SLC35F1: variants seen among roughly 807,000 people sequenced by gnomAD.
The protein encoded by SLC35F1 is solute carrier family 35 member F1, also known as chromosome 6 open reading frame 169.
SLC35F1 carries 14 observed loss-of-function variants against 48.7 expected under a neutral mutation model. The ratio of observed to expected loss-of-function variants is 0.29; its 90% CI spans 0.19 to 0.45. The LOEUF (loss-of-function observed/expected upper bound fraction) is 0.45, where lower values mean the gene tolerates loss of function less well. Among genes scored for constraint, SLC35F1 ranks in the 20% least tolerant of loss-of-function variants. The probability of loss-of-function intolerance (pLI) is 1.00; values close to 1 mark genes in which losing one functional copy is unlikely to be tolerated. For synonymous variants in SLC35F1, 190 were observed against 202.2 expected (o/e 0.94, Z 0.51); for missense variants, 404 against 500.0 (o/e 0.81, Z 1.83).
At chr6:117,909,441 G>A (rs1235877016) in intron 1 of SLC35F1, among the ~76,000 whole-genome samples, 2 of 151,990 alleles carry the variant, frequency 1.3e-5, no homozygotes, top group Non-Finnish European at 1.5e-5. Flanking sequence ...AGTTATTACT[G>A]ATTCCATGTA....
At chr6:118,232,725 G>T (rs1447846696) in intron 2 of SLC35F1, among the ~76,000 whole-genome samples, 1 of 151,964 alleles carries the variant, frequency 6.6e-6, no homozygotes, top group African/African-American at 2.4e-5. Context: ...GAAAGGCCCA[G>T]AGACAAGAGA....
chr6:118,241,780 A>G (rs886104387), intron 3 of SLC35F1, among the ~76,000 whole-genome samples: 1 of 152,172 alleles, frequency 6.6e-6, no homozygotes, highest in African/African-American at 2.4e-5. Flanking sequence ...CATCTATACA[A>G]TTCTTTCAGC....
At chr6:118,164,021 T>C (rs1774279749) in intron 2 of SLC35F1, among the ~76,000 whole-genome samples, 2 of 152,238 alleles carry the variant, frequency 1.3e-5, no homozygotes, top group South Asian at 4.1e-4. Context: ...GCATAATAAT[T>C]ATCTCTGGAT....
intron 1 of SLC35F1, among the ~76,000 whole-genome samples, chr6:117,930,323 C>T (rs980016665): frequency 2.0e-5 from 3 of 152,070 alleles, no homozygotes; most frequent in African/African-American, 4.8e-5. Context: ...AGACAGGCTC[C>T]CTTTTATTTA....
chr6:117,987,726 G>C (rs1230232981), intron 1 of SLC35F1, among the ~76,000 whole-genome samples: 1 of 152,192 alleles, frequency 6.6e-6, no homozygotes, highest in Non-Finnish European at 1.5e-5. Context: ...TTGCTCTGCA[G>C]ATATAAGCTG....
intron 3 of SLC35F1, among the ~76,000 whole-genome samples, chr6:118,248,703 A>T (rs1441580327): frequency 6.6e-6 from 1 of 152,238 alleles, no homozygotes; most frequent in Non-Finnish European, 1.5e-5. Flanking sequence ...TGACCTCCAG[A>T]ACTATAAGAT....
chr6:117,927,740 G>A (rs1776047764), intron 1 of SLC35F1, among the ~76,000 whole-genome samples: 1 of 152,156 alleles, frequency 6.6e-6, no homozygotes, highest in Non-Finnish European at 1.5e-5. Context: ...AAAGGTGATG[G>A]GATGGATGTG....
intron 1 of SLC35F1, among the ~76,000 whole-genome samples, chr6:117,971,814 G>A (rs1776643791): frequency 1.3e-5 from 2 of 152,230 alleles, no homozygotes; most frequent in Admixed American, 1.3e-4. Context: ...GGGCTACATA[G>A]AGGACAGGGG....
intron 1 of SLC35F1, among the ~76,000 whole-genome samples, chr6:117,972,306 A>G (rs997641691): frequency 2.0e-5 from 3 of 152,222 alleles, no homozygotes; most frequent in Non-Finnish European, 4.4e-5. Context: ...AAGCCATTCA[A>G]CAAGTCTCTA....
chr6:117,993,272 A>T (rs947759359), intron 1 of SLC35F1, among the ~76,000 whole-genome samples: 3 of 152,086 alleles, frequency 2.0e-5, no homozygotes, highest in African/African-American at 7.2e-5. Flanking sequence ...CACTGCTTGG[A>T]CATGTGGCTT....
chr6:117,969,629 C>T (rs1327958868), intron 1 of SLC35F1, among the ~76,000 whole-genome samples: 5 of 152,094 alleles, frequency 3.3e-5, no homozygotes, highest in Non-Finnish European at 7.4e-5. Context: ...GTGAAAGTAT[C>T]ACTTGAGCCC....
chr6:118,156,709 A>T (rs1359433855), intron 2 of SLC35F1, among the ~76,000 whole-genome samples: 1 of 82,174 alleles, frequency 1.2e-5, no homozygotes, highest in Non-Finnish European at 3.1e-5. Context: ...TAAGAAATAC[A>T]TTGGTTTGGT....
intron 1 of SLC35F1, among the ~76,000 whole-genome samples, chr6:118,066,310 TAA>T (rs1343453631): frequency 2.0e-5 from 3 of 152,172 alleles, no homozygotes; most frequent in Non-Finnish European, 4.4e-5. Context: ...ATGTCTAAGA[TAA>T]AAGACAAAAT....
At chr6:118,179,102 G>C (rs1038071979) in intron 2 of SLC35F1, among the ~76,000 whole-genome samples, 3 of 152,032 alleles carry the variant, frequency 2.0e-5, no homozygotes, top group African/African-American at 7.2e-5. Flanking sequence ...CTTATCTCAG[G>C]AGTTTTTGGA....
chr6:118,152,355 G>A (rs973404306), intron 1 of SLC35F1, among the ~76,000 whole-genome samples: 19 of 152,272 alleles, frequency 1.2e-4, no homozygotes, highest in Non-Finnish European at 2.1e-4. Flanking sequence ...GAGGGAGAGC[G>A]TTTAGGACAT....
chr6:118,009,085 A>G (rs1288884608), intron 1 of SLC35F1, among the ~76,000 whole-genome samples: 2 of 152,162 alleles, frequency 1.3e-5, no homozygotes, highest in Admixed American at 1.3e-4. Flanking sequence ...TTAACGAGCA[A>G]CAAATCAAGA....
At chr6:118,162,682 G>A (rs1314914896) in intron 2 of SLC35F1, among the ~76,000 whole-genome samples, 1 of 152,188 alleles carries the variant, frequency 6.6e-6, no homozygotes, top group African/African-American at 2.4e-5. Flanking sequence ...GGACATGCTG[G>A]TAAAACTTCC....
intron 3 of SLC35F1, 114 bp from the exon 4 acceptor site, chr6:118,266,881 C>A (rs982424562): frequency 2.2e-5 from 25 of 1,140,568 alleles, no homozygotes; most frequent in Non-Finnish European, 3.1e-5. Context: ...CACAAAATCT[C>A]AGGTTCAGGG....
At chr6:118,073,695 AT>A (rs200652332) in intron 1 of SLC35F1, among the ~76,000 whole-genome samples, 11 of 152,304 alleles carry the variant, frequency 7.2e-5, no homozygotes, top group Non-Finnish European at 1.0e-4. Flanking sequence ...GATACATGTT[AT>A]TTTTTATATC....
Sources: gnomAD v4.1 joint callset for allele counts (sites outside exome capture counted in the v4.1 genomes callset) on GRCh38, gnomAD v4.1.1 for gene constraint, MANE v1.5 for transcripts, NCBI Gene and HGNC (gene_info 2026-07-23, HGNC 2026-07-21) for gene names.